Variants in GPM6A observed in about 807,000 individuals in gnomAD.
GPM6A encodes the protein neuronal membrane glycoprotein M6-a.
Under a neutral mutation model 32.1 loss-of-function variants are expected in GPM6A, and 7 were observed. That is an observed-to-expected ratio of 0.22 (90% CI 0.12 to 0.41). The LOEUF is 0.41. Among genes scored for constraint, GPM6A ranks in the 10% least tolerant of loss-of-function variants. The pLI, the probability that GPM6A is intolerant of heterozygous loss-of-function variation, is 1.00. For missense variants in GPM6A, 235 were observed against 347.2 expected, an observed-to-expected ratio of 0.68 and a Z score of 2.57; for synonymous variants, 130 against 123.4, an observed-to-expected ratio of 1.05 and a Z score of -0.35.
intron 1 of GPM6A, among the ~76,000 whole-genome samples, chr4:175,737,485 T>A (rs575454067): frequency 9.8e-5 from 13 of 132,116 alleles, no homozygotes; most frequent in African/African-American, 3.5e-4. Context: ...CCAGTCTGGG[T>A]GACAAGAAAA....
chr4:175,794,714 G>A (rs1734149984), intron 1 of GPM6A, among the ~76,000 whole-genome samples: 1 of 152,166 alleles, frequency 6.6e-6, no homozygotes, highest in South Asian at 2.1e-4. Flanking sequence ...GGCATGGTCG[G>A]TAAGAAAGAA....
At chr4:175,705,707 C>T (rs1327464619) in intron 1 of GPM6A, among the ~76,000 whole-genome samples, 3 of 152,090 alleles carry the variant, frequency 2.0e-5, no homozygotes, top group Non-Finnish European at 4.4e-5. Flanking sequence ...GGCTGCGGAT[C>T]TTGCTGCCCC....
Position 175,977,169 on chromosome 4 carries a change from A to G in GPM6A, c.-23+25140T>C, listed in dbSNP as rs191539535. 5.3e-5 allele frequency among the ~76,000 whole-genome samples: 8 copies of G among 152,340 alleles called. No homozygotes were observed. In the East Asian group the frequency reaches 1.3e-3, roughly 26 times the overall value. On this transcript the variant is annotated intron_variant, in intron 1 of 7. Transcript: ENST00000280187. ...AACATATCTGAGACAAGAATTCATC[A>G]AAGTTAGACTTTGGAATATGACATG... is the stretch of plus-strand genomic sequence containing the variant.
At chr4:175,835,627 G>GTATA (rs35980764) in intron 1 of GPM6A, among the ~76,000 whole-genome samples, 22,696 of 138,340 alleles carry the variant, frequency 0.16, 1,869 homozygotes, top group Middle Eastern at 0.27. Context: ...GTGAGTGTGT[G>GTATA]TATATATATA....
intron 1 of GPM6A, among the ~76,000 whole-genome samples, chr4:175,968,774 T>C (rs973975638): frequency 2.6e-5 from 4 of 152,120 alleles, no homozygotes; most frequent in Non-Finnish European, 4.4e-5. Context: ...ACACTGACAA[T>C]ATCAGATGCT....
intron 6 of GPM6A, among the ~76,000 whole-genome samples, chr4:175,636,533 C>G (rs1434026211): frequency 6.6e-6 from 1 of 150,570 alleles, no homozygotes; most frequent in African/African-American, 2.4e-5. Flanking sequence ...CGGTGGCTCA[C>G]GCCTGTAATC....
intron 6 of GPM6A, among the ~76,000 whole-genome samples, chr4:175,636,102 A>G (rs935718983): frequency 6.6e-6 from 1 of 151,680 alleles, no homozygotes; most frequent in Admixed American, 6.6e-5. Context: ...ATGTAGGGGA[A>G]AAGATGCATA....
intron 1 of GPM6A, among the ~76,000 whole-genome samples, chr4:175,807,870 T>C (rs553860068): frequency 4.6e-5 from 7 of 152,360 alleles, no homozygotes; most frequent in South Asian, 2.1e-4. Context: ...TCTGATTGCA[T>C]TGAGCCCAGC....
At chr4:175,697,416 A>G (rs78596445) in intron 2 of GPM6A, among the ~76,000 whole-genome samples, 1 of 152,130 alleles carries the variant, frequency 6.6e-6, no homozygotes, top group South Asian at 2.1e-4. Context: ...GATGAAAAAA[A>G]TGTCCTCCTC....
At chr4:175,709,812 C>T (rs1745432713) in intron 1 of GPM6A, among the ~76,000 whole-genome samples, 1 of 151,838 alleles carries the variant, frequency 6.6e-6, no homozygotes, top group Non-Finnish European at 1.5e-5. Flanking sequence ...TTCCCAGCTT[C>T]ATAGTGGGGA....
intron 1 of GPM6A, among the ~76,000 whole-genome samples, chr4:175,736,775 C>T (rs1203799156): frequency 6.6e-6 from 1 of 152,142 alleles, no homozygotes; most frequent in East Asian, 1.9e-4. Context: ...TGCATTGATG[C>T]AGAGCGTCAC....
intron 1 of GPM6A, among the ~76,000 whole-genome samples, chr4:175,726,502 T>C (rs868868734): frequency 6.6e-6 from 1 of 152,214 alleles, no homozygotes; most frequent in Non-Finnish European, 1.5e-5. Flanking sequence ...TGACATTATT[T>C]CAAAAGCACA....
intron 1 of GPM6A, chr4:175,795,689 TG>T (rs1273130170): frequency 6.6e-6 from 1 of 152,186 alleles, no homozygotes; most frequent in African/African-American, 2.4e-5. Flanking sequence ...AGTTTGAGGC[TG>T]CAGTGAGTCA....
chr4:175,787,532 A>G (rs1400738755), intron 1 of GPM6A: 2 of 1,431,756 alleles, frequency 1.4e-6, no homozygotes, highest in Non-Finnish European at 1.8e-6. Flanking sequence ...TGATTTCATC[A>G]GTATCAACAT....
rs150260353 is a variant in GPM6A, at chr4:175,701,760, A to G, written c.45T>C (p.Phe15=). The G allele has an allele frequency of 1.2e-5, 19 of 1,607,880 alleles. No homozygotes were observed. In the African/African-American group the frequency reaches 2.5e-4, roughly 21 times the overall value. Residue 15 remains phenylalanine (F), a synonymous_variant, in exon 2 of 7, where the codon TTT becomes TTC. Coordinates refer to ENST00000393658, the MANE Select transcript of GPM6A (RefSeq NM_201591.3). ...CCCCCAGGCATTTGATACAGCATTCAAAACACCCTGTAGAAGATCACAAAG... is the reference window on the plus strand; with the variant it reads ...CCCCCAGGCATTTGATACAGCATTCGAAACACCCTGTAGAAGATCACAAAG... ...MEEGQTQKGC[F]ECCIKCLGGI... is the part of the protein sequence containing the mutation.
At chr4:175,730,882 C>A (rs193156780) in intron 1 of GPM6A, among the ~76,000 whole-genome samples, 2 of 152,110 alleles carry the variant, frequency 1.3e-5, no homozygotes, top group Non-Finnish European at 2.9e-5. Context: ...CTCCATTTTT[C>A]TTGACACTGC....
chr4:175,823,596 T>G (rs887893430), intron 1 of GPM6A, among the ~76,000 whole-genome samples: 1 of 152,218 alleles, frequency 6.6e-6, no homozygotes, highest in Non-Finnish European at 1.5e-5. Context: ...ATGCAGATGG[T>G]AGGAGATATC....
At chr4:175,816,800 G>A (rs534203218), upstream of GPM6A, among the ~76,000 whole-genome samples, 1 of 152,278 alleles carries the variant, frequency 6.6e-6, no homozygotes, top group Admixed American at 6.5e-5. Context: ...GGACCCCTTT[G>A]TCTGCTGCTT....
chr4:175,987,032 A>G (rs1740996613), intron 1 of GPM6A, among the ~76,000 whole-genome samples: 1 of 152,180 alleles, frequency 6.6e-6, no homozygotes, highest in African/African-American at 2.4e-5. Flanking sequence ...CTTTACTGAC[A>G]TTTTAAGAGG....
Sources: allele counts gnomAD v4.1 joint callset (sites outside exome capture counted in the v4.1 genomes callset), GRCh38; gene constraint gnomAD v4.1.1; transcripts MANE v1.5; gene names NCBI Gene and HGNC (gene_info 2026-07-23, HGNC 2026-07-21).